LGR6: variants seen among roughly 807,000 people sequenced by gnomAD.
LGR6 encodes the protein leucine-rich repeat-containing G protein-coupled receptor 6.
LGR6 carries 45 observed loss-of-function variants against 69.4 expected under a neutral mutation model. The observed-to-expected ratio is 0.65, with a 90% CI of 0.51 to 0.83. The LOEUF (loss-of-function observed/expected upper bound fraction) is 0.83. LGR6 is among the 40% of genes least tolerant of loss of function. The probability of loss-of-function intolerance (pLI) is 0.00; values close to 1 mark genes in which losing one functional copy is unlikely to be tolerated. For missense variants in LGR6, 1,108 were observed against 1,246.7 expected, an observed-to-expected ratio of 0.89 and a Z score of 1.68; for synonymous variants, 538 against 555.0, an observed-to-expected ratio of 0.97 and a Z score of 0.43.
chr1:202,249,112 C>T (rs925530301), intron 4 of LGR6, among the ~76,000 whole-genome samples: 3 of 152,226 alleles, frequency 2.0e-5, no homozygotes, highest in Admixed American at 6.5e-5. Flanking sequence ...CAGCCGACTC[C>T]TGACTTCGCT....
intron 6 of LGR6, among the ~76,000 whole-genome samples, chr1:202,286,589 G>A (rs1034459420): frequency 6.6e-6 from 1 of 152,134 alleles, no homozygotes; most frequent in African/African-American, 2.4e-5. Flanking sequence ...CCCAGCGTCA[G>A]CCCATCAGAC....
Position 202,304,561 on chromosome 1 carries a change from C to A in LGR6, c.1001C>A (p.Thr334Asn). The change falls in exon 11 of 18, where the codon ACC (threonine) becomes AAC (asparagine). Residue 334 changes from threonine to asparagine, a missense_variant and splice_region_variant. Physicochemically the swap from Thr to Asn is moderately conservative, Grantham distance 65. Transcript: ENST00000367278. ...LKGTTSLEILTLTRAGIRLLP... is the reference protein window; with the variant it reads ...LKGTTSLEILNLTRAGIRLLP... Reference sequence around the variant, plus strand: ...CTCTGTCTCTGTTCTCCCTGCAGGACCCTGACCCGCGCAGGCATCCGGCTG... The same window carrying A: ...CTCTGTCTCTGTTCTCCCTGCAGGAACCTGACCCGCGCAGGCATCCGGCTG... 6.2e-7 allele frequency: 1 copy of A among 1,607,160 alleles called. No individual in the cohort carries two copies. Among genetic ancestry groups the A allele is most frequent in the Non-Finnish European group, 8.5e-7 (1 of 1,174,790 alleles).
At chr1:202,290,001 CTTT>C in intron 6 of LGR6, among the ~76,000 whole-genome samples, 1 of 152,276 alleles carries the variant, frequency 6.6e-6, no homozygotes, top group Admixed American at 6.5e-5. Context: ...TGATATTCAT[CTTT>C]CTTAATTGCT....
intron 6 of LGR6, 173 bp downstream of exon 6, chr1:202,281,025 A>C (rs1249540995): frequency 3.4e-6 from 2 of 595,048 alleles, no homozygotes; most frequent in African/African-American, 3.8e-5. Flanking sequence ...AATATCACTG[A>C]GAATGAATTT....
At chr1:202,266,732 G>C (rs1025586309) in intron 4 of LGR6, among the ~76,000 whole-genome samples, 1 of 151,886 alleles carries the variant, frequency 6.6e-6, no homozygotes, top group East Asian at 1.9e-4. Flanking sequence ...CATCCACTTG[G>C]TGAAAATTCA....
chr1:202,263,027 G>A (rs1402183826), intron 4 of LGR6, among the ~76,000 whole-genome samples: 1 of 149,090 alleles, frequency 6.7e-6, no homozygotes, highest in Non-Finnish European at 1.5e-5. Flanking sequence ...ATGGATTTTT[G>A]TTCCTGTTTC....
At chr1:202,239,472 G>A (rs1052972301) in intron 4 of LGR6, among the ~76,000 whole-genome samples, 1 of 151,888 alleles carries the variant, frequency 6.6e-6, no homozygotes, top group African/African-American at 2.4e-5. Context: ...GGAGGACCTT[G>A]CTAAGGATTT....
chr1:202,226,073 C>A (rs937656771), intron 2 of LGR6, among the ~76,000 whole-genome samples: 1 of 152,246 alleles, frequency 6.6e-6, no homozygotes, highest in Non-Finnish European at 1.5e-5. Flanking sequence ...ATTTCCTCCA[C>A]AAAGTACTCC....
intron 4 of LGR6, among the ~76,000 whole-genome samples, chr1:202,250,815 G>A (rs1418586810): frequency 1.3e-5 from 2 of 152,236 alleles, no homozygotes. Context: ...AATGGGGAAA[G>A]AGGACCAGAG....
chr1:202,227,868 T>C (rs946687746), intron 2 of LGR6, 68 bp from the exon 3 acceptor site: 1 of 1,094,136 alleles, frequency 9.1e-7, no homozygotes, highest in South Asian at 1.3e-5. Context: ...TCAAGACACT[T>C]TCTTATGGAG....
At chr1:202,206,397 C>T (rs996967666) in intron 1 of LGR6, among the ~76,000 whole-genome samples, 2 of 152,224 alleles carry the variant, frequency 1.3e-5, no homozygotes, top group African/African-American at 4.8e-5. Context: ...ACCATGGACC[C>T]GGCCCCCCAG....
intron 7 of LGR6, among the ~76,000 whole-genome samples, chr1:202,300,600 C>T (rs1667510300): frequency 6.7e-6 from 1 of 150,228 alleles, no homozygotes; most frequent in South Asian, 2.1e-4. Context: ...GGCTGCACTG[C>T]GGTGAGCCAA....
intron 6 of LGR6, among the ~76,000 whole-genome samples, chr1:202,292,484 A>C (rs2148225212): frequency 6.6e-6 from 1 of 152,210 alleles, no homozygotes; most frequent in Middle Eastern, 3.4e-3. Context: ...CCATGTGATG[A>C]CTCAGGGATC....
At chr1:202,197,990 C>A (rs1408728885) in intron 1 of LGR6, among the ~76,000 whole-genome samples, 1 of 152,194 alleles carries the variant, frequency 6.6e-6, no homozygotes, top group African/African-American at 2.4e-5. Flanking sequence ...CGCCCACTGC[C>A]ACCAGGGCTG....
At chr1:202,257,769 T>C (rs116298949) in intron 4 of LGR6, among the ~76,000 whole-genome samples, 2 of 152,132 alleles carry the variant, frequency 1.3e-5, no homozygotes, top group Admixed American at 6.5e-5. Flanking sequence ...CTTCCTACTT[T>C]GTTATTTTCA....
intron 4 of LGR6, among the ~76,000 whole-genome samples, chr1:202,270,611 G>T (rs1036043838): frequency 1.3e-5 from 2 of 152,182 alleles, no homozygotes; most frequent in Non-Finnish European, 2.9e-5. Context: ...TGGGCTTCAG[G>T]CTCCTCATAT....
chr1:202,212,850 A>G (rs139624167), intron 1 of LGR6, among the ~76,000 whole-genome samples: 182 of 150,726 alleles, frequency 1.2e-3, no homozygotes, highest in Admixed American at 2.4e-3. Context: ...CCATGCTAAC[A>G]CCCCCAGCTC....
rs998551428 is a variant in LGR6, at chr1:202,301,086, A to C, written c.858-78A>C. On this transcript the variant is annotated intron_variant, in intron 8 of 17. Coordinates refer to ENST00000367278, the MANE Select transcript of LGR6 (RefSeq NM_001017403.2). ...TTTCCTGGGTCTACATTGATAGGAG[A>C]AGAAAGCAGAGATTGGCCTTAATCC... is the stretch of plus-strand genomic sequence containing the variant. The C allele has an allele frequency of 5.6e-6, 8 of 1,433,454 alleles. No individual in the cohort carries two copies. In the East Asian group the frequency reaches 1.4e-4, roughly 24 times the overall value. 88.8% of individuals were successfully genotyped at this position (1,433,454 alleles called of 1,614,324 possible).
chr1:202,197,455 C>A (rs141482942), intron 1 of LGR6: 7 of 533,426 alleles, frequency 1.3e-5, no homozygotes, highest in African/African-American at 9.6e-5. Flanking sequence ...ATAGTCTCAG[C>A]GAGGCTCATT....
Sources: allele counts gnomAD v4.1 joint callset (sites outside exome capture counted in the v4.1 genomes callset), GRCh38; gene constraint gnomAD v4.1.1; transcripts MANE v1.5; gene names NCBI Gene and HGNC (gene_info 2026-07-23, HGNC 2026-07-21).